The following ARHGAP31 variants were observed in gnomAD, a reference collection of about 807,000 sequenced individuals.
The protein encoded by ARHGAP31 is rho GTPase-activating protein 31.
A neutral mutation model predicts 113.9 loss-of-function variants in ARHGAP31; 34 were observed. That is an observed-to-expected ratio of 0.30 (90% CI 0.23 to 0.40). The LOEUF (loss-of-function observed/expected upper bound fraction) is 0.40, where lower values mean the gene tolerates loss of function less well. Among genes scored for constraint, ARHGAP31 ranks in the 10% least tolerant of loss-of-function variants. ARHGAP31 has a pLI of 1.00. For missense variants in ARHGAP31, 1,548 were observed against 1,767.1 expected, an observed-to-expected ratio of 0.88 and a Z score of 2.22; for synonymous variants, 650 against 684.8, an observed-to-expected ratio of 0.95 and a Z score of 0.79.
At chr3:119,307,671 T>G (rs2079642079) in intron 1 of ARHGAP31, among the ~76,000 whole-genome samples, 1 of 152,084 alleles carries the variant, frequency 6.6e-6, no homozygotes, top group Non-Finnish European at 1.5e-5. Flanking sequence ...CTAAAAATAA[T>G]TCTTCCTCCC....
intron 1 of ARHGAP31, among the ~76,000 whole-genome samples, chr3:119,359,890 G>A (rs1439223545): frequency 6.6e-6 from 1 of 151,520 alleles, no homozygotes. Flanking sequence ...CGTGTGCATC[G>A]CAACAGATGC....
intron 3 of ARHGAP31, among the ~76,000 whole-genome samples, chr3:119,380,003 A>G (rs1421578640): frequency 1.3e-5 from 2 of 152,254 alleles, no homozygotes; most frequent in African/African-American, 2.4e-5. Flanking sequence ...GGATGCCTGC[A>G]TCATGCAGCA....
chr3:119,402,050 A>G lies in ARHGAP31; in HGVS notation c.1298A>G (p.Lys433Arg). The change falls in exon 10 of 12, where the codon AAG becomes AGG. Residue 433 changes from lysine to arginine, a missense_variant. Lys to Arg is a conservative substitution (Grantham distance 26). Transcript: ENST00000264245. ...AQARPPPEQL[K>R]VFRPVEDPES... Reference sequence around the variant, plus strand: ...GCCCGGCCCCCACCGGAACAGCTGAAGGTTTTCCGGCCTGTTGAGGATCCG... The same window carrying G: ...GCCCGGCCCCCACCGGAACAGCTGAGGGTTTTCCGGCCTGTTGAGGATCCG... 6.2e-7 allele frequency: 1 copy of G among 1,614,162 alleles called. No individual in the cohort carries two copies. The highest frequency in any genetic ancestry group is 1.1e-5 in the South Asian group (1 of 91,066).
chr3:119,373,263 A>G (rs1577017099), intron 3 of ARHGAP31, among the ~76,000 whole-genome samples: 1 of 152,190 alleles, frequency 6.6e-6, no homozygotes, highest in African/African-American at 2.4e-5. Flanking sequence ...AAAGAAGTAA[A>G]ACATATAATA....
chr3:119,353,719 C>T (rs1005693346), intron 1 of ARHGAP31, among the ~76,000 whole-genome samples: 2 of 141,968 alleles, frequency 1.4e-5, no homozygotes, highest in African/African-American at 2.6e-5. Context: ...CCTGGAAGGA[C>T]GGAGGTTGCA....
chr3:119,340,755 T>A (rs1000562984), intron 1 of ARHGAP31, among the ~76,000 whole-genome samples: 1 of 152,186 alleles, frequency 6.6e-6, no homozygotes, highest in Non-Finnish European at 1.5e-5. Context: ...CCAGGAAAGA[T>A]TTAAGTGAGT....
chr3:119,400,003 G>C (rs2080586054), intron 9 of ARHGAP31, among the ~76,000 whole-genome samples: 1 of 152,194 alleles, frequency 6.6e-6, no homozygotes, highest in Admixed American at 6.5e-5. Context: ...GGACTTGTCT[G>C]GCAACAGACT....
intron 1 of ARHGAP31, chr3:119,322,744 C>T (rs924431369): frequency 6.5e-6 from 1 of 153,586 alleles, no homozygotes; most frequent in Non-Finnish European, 1.4e-5. Context: ...CTCGAGCGCC[C>T]CTCTAGGCTG....
chr3:119,298,179 C>A (rs1281656669), intron 1 of ARHGAP31, among the ~76,000 whole-genome samples: 3 of 152,148 alleles, frequency 2.0e-5, no homozygotes, highest in African/African-American at 7.2e-5. Context: ...TCTTGCACTT[C>A]CCCTCCAACA....
chr3:119,345,282 G>A (rs1227402157), intron 1 of ARHGAP31, among the ~76,000 whole-genome samples: 1 of 152,024 alleles, frequency 6.6e-6, no homozygotes, highest in Non-Finnish European at 1.5e-5. Context: ...CACCACGCCC[G>A]GCCCGGTGGG....
intron 3 of ARHGAP31, among the ~76,000 whole-genome samples, chr3:119,378,548 G>A (rs1331422796): frequency 6.6e-6 from 1 of 152,156 alleles, no homozygotes; most frequent in Non-Finnish European, 1.5e-5. Flanking sequence ...TTAAAGGAGG[G>A]TGGGGTTAGT....
intron 11 of ARHGAP31, 38 bp from the exon 12 acceptor site, chr3:119,413,818 C>T: frequency 3.7e-6 from 6 of 1,614,120 alleles, no homozygotes; most frequent in Middle Eastern, 1.7e-4. Flanking sequence ...ACCCAGAGTA[C>T]TTAGTTCTAA....
chr3:119,363,251 C>T (rs1453152245), intron 1 of ARHGAP31, among the ~76,000 whole-genome samples: 1 of 152,172 alleles, frequency 6.6e-6, no homozygotes, highest in Non-Finnish European at 1.5e-5. Flanking sequence ...ATCATTGGAA[C>T]TGTTTTCATT....
chr3:119,304,029 C>T (rs1264383162), intron 1 of ARHGAP31, among the ~76,000 whole-genome samples: 3 of 152,018 alleles, frequency 2.0e-5, no homozygotes, highest in Admixed American at 1.3e-4. Context: ...CTCCTGACCT[C>T]GTGATCCGCC....
At chr3:119,380,194 C>T (rs572735781) in intron 3 of ARHGAP31, among the ~76,000 whole-genome samples, 1 of 152,142 alleles carries the variant, frequency 6.6e-6, no homozygotes, top group Non-Finnish European at 1.5e-5. Flanking sequence ...CTTATCCCTG[C>T]CAAGGAAAGC....
At chr3:119,344,526 A>C (rs991656370) in intron 1 of ARHGAP31, among the ~76,000 whole-genome samples, 2 of 152,242 alleles carry the variant, frequency 1.3e-5, no homozygotes, top group African/African-American at 4.8e-5. Flanking sequence ...ACCAAAGCCC[A>C]ATGGGACAGT....
chr3:119,412,558 AG>A (rs2080726003), intron 11 of ARHGAP31, among the ~76,000 whole-genome samples: 1 of 152,220 alleles, frequency 6.6e-6, no homozygotes, highest in Non-Finnish European at 1.5e-5. Context: ...AAGGACAGCA[AG>A]CAAGGTGGAG....
chr3:119,364,172 G>A (rs2080233814), intron 1 of ARHGAP31, among the ~76,000 whole-genome samples: 1 of 144,542 alleles, frequency 6.9e-6, no homozygotes. Context: ...AGGCCCTGTC[G>A]GTCCCTTTTA....
intron 3 of ARHGAP31, among the ~76,000 whole-genome samples, chr3:119,378,701 T>G (rs36087584): frequency 6.6e-6 from 1 of 151,822 alleles, no homozygotes; most frequent in Non-Finnish European, 1.5e-5. Context: ...TTCTCTCCCT[T>G]GGCTCCCCGG....
Sources: gnomAD v4.1 joint callset for allele counts (sites outside exome capture counted in the v4.1 genomes callset) on GRCh38, gnomAD v4.1.1 for gene constraint, MANE v1.5 for transcripts, NCBI Gene and HGNC (gene_info 2026-07-23, HGNC 2026-07-21) for gene names.